The following VPS13B variants were observed in gnomAD, a reference collection of about 807,000 sequenced individuals.
The protein encoded by VPS13B is intermembrane lipid transfer protein VPS13B.
Under a neutral mutation model 426.4 loss-of-function variants are expected in VPS13B, and 285 were observed. The observed-to-expected ratio is 0.67, with a 90% CI of 0.61 to 0.74. The LOEUF (loss-of-function observed/expected upper bound fraction) is 0.74, where lower values mean the gene tolerates loss of function less well. Among genes scored for constraint, VPS13B ranks in the 30% least tolerant of loss-of-function variants. The pLI is 0.00. For synonymous variants in VPS13B, 1,676 were observed against 1,676.4 expected, an observed-to-expected ratio of 1.00 and a Z score of 0.01; for missense variants, 4,537 against 4,782.6, an observed-to-expected ratio of 0.95 and a Z score of 1.51.
chr8:99,333,373 A>G (rs1810648155), intron 19 of VPS13B, among the ~76,000 whole-genome samples: 1 of 151,754 alleles, frequency 6.6e-6, no homozygotes, highest in South Asian at 2.1e-4. Flanking sequence ...GTACAAAATA[A>G]TACGGAAGGA....
chr8:99,425,824 T>A (rs1264413909), intron 21 of VPS13B, among the ~76,000 whole-genome samples: 1 of 152,188 alleles, frequency 6.6e-6, no homozygotes, highest in Non-Finnish European at 1.5e-5. Context: ...GCCCAAAATC[T>A]CCTTAAGCTG....
chr8:99,126,010 A>G (rs1848174077), intron 8 of VPS13B, among the ~76,000 whole-genome samples: 1 of 152,028 alleles, frequency 6.6e-6, no homozygotes, highest in Non-Finnish European at 1.5e-5. Context: ...AAAAATCGAT[A>G]TAGGCAAGAG....
Position 99,859,374 on chromosome 8 carries a change from C to T in VPS13B, c.10938C>T (p.Val3646=), listed in dbSNP as rs758028194. 1.2e-5 allele frequency: 20 copies of T among 1,613,912 alleles called. No homozygotes were observed. The highest frequency in any genetic ancestry group is 5.3e-5 in the African/African-American group (4 of 74,894). The change falls in exon 57 of 62, where the codon GTC becomes GTT. Residue 3646 remains valine (V), a synonymous_variant. Transcript: ENST00000357162. ...ASLVRSIGNG[V]ADFFRLPYEG... Reference sequence around the variant, plus strand: ...TGGTGAGAAGCATCGGGAACGGGGTCGCCGACTTCTTCAGGCTTCCGTATG... The same window carrying T: ...TGGTGAGAAGCATCGGGAACGGGGTTGCCGACTTCTTCAGGCTTCCGTATG...
rs147639883 is a variant in VPS13B, at chr8:99,178,043, C to T, written c.2333+7880C>T. The stretch of plus-strand genomic sequence containing the variant: ...GTTGTTAATGTATTTTTTTTTAAAG[C>T]GAAATGGCTTGGTTAGTAATTATTA... On this transcript the variant is annotated intron_variant, in intron 16 of 61. Transcript: ENST00000357162. 5.9e-5 allele frequency among the ~76,000 whole-genome samples: 9 copies of T among 151,712 alleles called. No individual in the cohort carries two copies. In the East Asian group the frequency reaches 1.5e-3, roughly 26 times the overall value.
rs1811750689 is a variant in VPS13B at position 99,349,479 on chromosome 8, C to G, written c.2825-34729C>G. Among the ~76,000 whole-genome samples the G allele has an allele frequency of 2.6e-5, 4 of 151,906 alleles. No individual in the cohort carries two copies. The South Asian group carries it at 8.3e-4, about 32-fold the overall frequency. ...CTAGAATCCATAATGGAGAAAATCA[C>G]ATTTAGCACAGTATGTATTTTATGA... On this transcript the variant is annotated intron_variant, in intron 19 of 61. Transcript: ENST00000357162.
chr8:99,142,092 A>G (rs774544330), intron 12 of VPS13B, among the ~76,000 whole-genome samples: 4 of 152,044 alleles, frequency 2.6e-5, no homozygotes, highest in Non-Finnish European at 4.4e-5. Flanking sequence ...AATCTAATTC[A>G]TTTTTGTTCA....
chr8:99,175,298 C>T (rs1277704315), intron 16 of VPS13B, among the ~76,000 whole-genome samples: 3 of 152,062 alleles, frequency 2.0e-5, no homozygotes, highest in African/African-American at 4.8e-5. Flanking sequence ...AGTTCAGTTT[C>T]TTTCAATAAC....
At chr8:99,300,631 G>A (rs1189671647) in intron 19 of VPS13B, among the ~76,000 whole-genome samples, 1 of 151,898 alleles carries the variant, frequency 6.6e-6, no homozygotes, top group African/African-American at 2.4e-5. Context: ...TTTGAAGGAG[G>A]TTTTCTGGGA....
chr8:99,550,681 A>G (rs1824235006), intron 30 of VPS13B, among the ~76,000 whole-genome samples: 1 of 152,000 alleles, frequency 6.6e-6, no homozygotes, highest in Non-Finnish European at 1.5e-5. Flanking sequence ...TGCTAAAACT[A>G]GTATTTTAGA....
intron 52 of VPS13B, 86 bp from the exon 53 acceptor site, chr8:99,835,111 G>T: frequency 6.4e-7 from 1 of 1,573,582 alleles, no homozygotes; most frequent in Non-Finnish European, 8.7e-7. Flanking sequence ...TCTGAATGTT[G>T]CAAATCTAAA....
intron 24 of VPS13B, among the ~76,000 whole-genome samples, chr8:99,480,119 C>T (rs1819958846): frequency 2.0e-5 from 3 of 152,130 alleles, no homozygotes; most frequent in Admixed American, 2.0e-4. Context: ...CTTTACTTGG[C>T]ATAGTGTTTT....
chr8:99,134,697 G>T lies in VPS13B; in HGVS notation c.1272G>T (p.Leu424Phe), dbSNP rs771345019. The T allele has an allele frequency of 6.2e-7, 1 of 1,610,236 alleles. No individual in the cohort carries two copies. Among genetic ancestry groups the T allele is most frequent in the Admixed American group, 1.7e-5 (1 of 59,934 alleles). ...SPQKVKSKEV[L>F]CWEQEGTTVE... Reference sequence around the variant, plus strand: ...AGAAAGTAAAATCTAAAGAAGTATTGTGTTGGGAACAAGAAGGAACTACAG... The same window carrying T: ...AGAAAGTAAAATCTAAAGAAGTATTTTGTTGGGAACAAGAAGGAACTACAG... The change falls in exon 9 of 62, where the codon TTG (leucine) becomes TTT (phenylalanine). Residue 424 changes from leucine to phenylalanine, a missense_variant. Coordinates refer to ENST00000357162, the MANE Select transcript of VPS13B (RefSeq NM_152564.5).
intron 13 of VPS13B, among the ~76,000 whole-genome samples, chr8:99,146,190 C>G (rs1198939400): frequency 6.6e-6 from 1 of 152,132 alleles, no homozygotes; most frequent in African/African-American, 2.4e-5. Flanking sequence ...ATTTTATACT[C>G]AAGTATGTCA....
intron 35 of VPS13B, among the ~76,000 whole-genome samples, chr8:99,662,179 C>T (rs1446576820): frequency 6.6e-6 from 1 of 152,102 alleles, no homozygotes; most frequent in Non-Finnish European, 1.5e-5. Flanking sequence ...AAGACCAGAG[C>T]TTAACTTCTG....
At chr8:99,589,981 T>G (rs774484149) in intron 33 of VPS13B, among the ~76,000 whole-genome samples, 2 of 152,178 alleles carry the variant, frequency 1.3e-5, no homozygotes, top group South Asian at 2.1e-4. Flanking sequence ...CTTTTTTTGG[T>G]TGGTAGGCTA....
At chr8:99,483,325 G>A (rs1335867640) in intron 25 of VPS13B, among the ~76,000 whole-genome samples, 2 of 151,984 alleles carry the variant, frequency 1.3e-5, no homozygotes, top group East Asian at 1.9e-4. Context: ...GTCTAGAAAT[G>A]AGCCTGTATC....
intron 30 of VPS13B, chr8:99,536,923 A>G (rs1823275487): frequency 2.3e-6 from 1 of 442,310 alleles, no homozygotes; most frequent in Non-Finnish European, 4.6e-6. Context: ...ACAGAATTGC[A>G]GTGTTATTGT....
intron 2 of VPS13B, among the ~76,000 whole-genome samples, chr8:99,016,575 A>T (rs1587917018): frequency 4.3e-5 from 5 of 115,066 alleles, no homozygotes; most frequent in Admixed American, 2.6e-4. Flanking sequence ...TCTTATTGAT[A>T]TATAGGAATT....
intron 17 of VPS13B, among the ~76,000 whole-genome samples, chr8:99,271,194 TAAC>T (rs753952021): frequency 1.6e-5 from 2 of 129,006 alleles, no homozygotes; most frequent in East Asian, 2.2e-4. Flanking sequence ...CTGCTACCAC[TAAC>T]TACTACTACT....
Sources: allele counts gnomAD v4.1 joint callset (sites outside exome capture counted in the v4.1 genomes callset), GRCh38; gene constraint gnomAD v4.1.1; transcripts MANE v1.5; gene names NCBI Gene and HGNC (gene_info 2026-07-23, HGNC 2026-07-21).